Variants in CATSPERT observed in about 807,000 individuals in gnomAD.
The protein encoded by CATSPERT is catsper channel auxiliary subunit tau, also known as cation channel sperm-associated targeting subunit tau.
chr2:201,495,685 G>GTTT, the CATSPERT span, among the ~76,000 whole-genome samples: 3,337 of 131,094 alleles, frequency 0.025, 156 homozygotes, highest in African/African-American at 0.088. Context: ...AATCCCCTTG[G>GTTT]TTTTTTTTTT....
At chr2:201,494,543 T>A in the CATSPERT span, 1 of 1,537,008 alleles carries the variant, frequency 6.5e-7, no homozygotes, top group Non-Finnish European at 8.7e-7. Flanking sequence ...AACATCTTTG[T>A]TGTGAAGATA....
chr2:201,593,022 A>G, the CATSPERT span, among the ~76,000 whole-genome samples: 1 of 151,954 alleles, frequency 6.6e-6, no homozygotes, highest in African/African-American at 2.4e-5. Flanking sequence ...GCCTTCTGCT[A>G]GCTTTTGAAT....
chr2:201,565,710 T>TTC, the CATSPERT span: 1 of 1,357,104 alleles, frequency 7.4e-7, no homozygotes, highest in Non-Finnish European at 9.8e-7. Context: ...TTTGAATTTT[T>TTC]TTTTTTTTTT....
chr2:201,537,173 A>T, the CATSPERT span, among the ~76,000 whole-genome samples: 1 of 152,014 alleles, frequency 6.6e-6, no homozygotes, highest in Admixed American at 6.6e-5. Flanking sequence ...TCTTACGTAG[A>T]ACTTCATGCT....
chr2:201,551,568 G>A, the CATSPERT span, among the ~76,000 whole-genome samples: 3 of 152,146 alleles, frequency 2.0e-5, no homozygotes, highest in East Asian at 5.8e-4. Flanking sequence ...TAATAATTTT[G>A]TAGTCACCTA....
At chr2:201,541,587 C>CA in the CATSPERT span, among the ~76,000 whole-genome samples, 2 of 112,186 alleles carry the variant, frequency 1.8e-5, no homozygotes, top group Non-Finnish European at 3.7e-5. Context: ...ATAAAATTTA[C>CA]AAAAAACCCA....
At chr2:201,536,095 C>T in the CATSPERT span, 3 of 1,613,184 alleles carry the variant, frequency 1.9e-6, no homozygotes, top group East Asian at 6.7e-5. Flanking sequence ...GGAAAAAATA[C>T]ATTTTTCATT....
At chr2:201,565,726 T>TTA in the CATSPERT span, 17 of 1,491,554 alleles carry the variant, frequency 1.1e-5, no homozygotes, top group African/African-American at 3.1e-5. Context: ...TTTTTTTTTT[T>TTA]ACCTTTCCCG....
the CATSPERT span, chr2:201,582,299 C>G: frequency 1.6e-6 from 2 of 1,245,454 alleles, no homozygotes; most frequent in Non-Finnish European, 2.2e-6. Context: ...TATACTATTA[C>G]TATATTATGC....
the CATSPERT span, among the ~76,000 whole-genome samples, chr2:201,566,828 C>A: frequency 6.6e-6 from 1 of 152,108 alleles, no homozygotes; most frequent in Non-Finnish European, 1.5e-5. Flanking sequence ...TTTTTAAAAT[C>A]TATTAATTTT....
the CATSPERT span, chr2:201,493,831 T>A: frequency 6.5e-7 from 1 of 1,533,822 alleles, no homozygotes; most frequent in African/African-American, 1.4e-5. Flanking sequence ...GGTACTACTA[T>A]TTTTTTTAAT....
the CATSPERT span, among the ~76,000 whole-genome samples, chr2:201,563,407 G>A: frequency 3.9e-3 from 416 of 107,624 alleles, 28 homozygotes; most frequent in African/African-American, 0.013. Flanking sequence ...GCGGCTGGCC[G>A]GGCGGGGGGC....
chr2:201,545,584 C>T, the CATSPERT span: 3 of 1,310,844 alleles, frequency 2.3e-6, no homozygotes, highest in African/African-American at 3.6e-5. Context: ...AGGATGATTA[C>T]TTTTCGTGTT....
At chr2:201,527,613 C>T in the CATSPERT span, among the ~76,000 whole-genome samples, 6 of 152,110 alleles carry the variant, frequency 3.9e-5, no homozygotes, top group Non-Finnish European at 7.4e-5. Flanking sequence ...CACACACCTA[C>T]ATCCATCTGA....
At chr2:201,494,767 A>G in the CATSPERT span, 2 of 1,487,366 alleles carry the variant, frequency 1.3e-6, no homozygotes, top group Middle Eastern at 1.8e-4. Context: ...AAACTGCAAT[A>G]TTAAAAAAAA....
At chr2:201,565,840 G>C in the CATSPERT span, 348 of 1,608,022 alleles carry the variant, frequency 2.2e-4, no homozygotes, top group African/African-American at 3.9e-3. Context: ...TAAGAATGCT[G>C]GATATTCTAC....
the CATSPERT span, among the ~76,000 whole-genome samples, chr2:201,490,188 T>C: frequency 1.3e-5 from 2 of 152,194 alleles, no homozygotes; most frequent in Non-Finnish European, 2.9e-5. Context: ...ATTAAAAATA[T>C]ATTTGAATTC....
the CATSPERT span, among the ~76,000 whole-genome samples, chr2:201,573,791 G>T: frequency 6.6e-6 from 1 of 152,092 alleles, no homozygotes; most frequent in Non-Finnish European, 1.5e-5. Flanking sequence ...CAAGTAGCTG[G>T]GATTACAGGC....
chr2:201,580,211 A>G, the CATSPERT span, among the ~76,000 whole-genome samples: 1 of 152,226 alleles, frequency 6.6e-6, no homozygotes, highest in Non-Finnish European at 1.5e-5. Flanking sequence ...GTATCACTAC[A>G]GGAAGTACAT....
Sources: gnomAD v4.1 joint callset for allele counts (sites outside exome capture counted in the v4.1 genomes callset) on GRCh38, gnomAD v4.1.1 for gene constraint, MANE v1.5 for transcripts, NCBI Gene and HGNC (gene_info 2026-07-23, HGNC 2026-07-21) for gene names.